ZNF385D: variants seen among roughly 807,000 people sequenced by gnomAD.
ZNF385D encodes the protein zinc finger protein 385D.
In ZNF385D, 15 loss-of-function variants were observed where a neutral mutation model predicts 35.8. That is an observed-to-expected ratio of 0.42 (90% CI 0.28 to 0.64). The LOEUF is 0.64. ZNF385D is among the 30% of genes least tolerant of loss of function. The pLI is 0.23. For synonymous variants in ZNF385D, 212 were observed against 186.8 expected, an observed-to-expected ratio of 1.13 and a Z score of -1.10; for missense variants, 474 against 494.6, an observed-to-expected ratio of 0.96 and a Z score of 0.39.
chr3:22,339,769 C>T (rs974940996), intron 2 of ZNF385D, among the ~76,000 whole-genome samples: 2 of 152,164 alleles, frequency 1.3e-5, no homozygotes, highest in Non-Finnish European at 2.9e-5. Flanking sequence ...TGAAACATCA[C>T]CAAAAATGTC....
At chr3:21,523,637 A>G (rs1200326861) in intron 3 of ZNF385D, among the ~76,000 whole-genome samples, 1 of 152,208 alleles carries the variant, frequency 6.6e-6, no homozygotes, top group Non-Finnish European at 1.5e-5. Context: ...CCCAAATGTG[A>G]AGCTTTCAGA....
At chr3:21,421,572 G>A in intron 7 of ZNF385D, 125 bp from the exon 8 acceptor site, 2 of 648,472 alleles carry the variant, frequency 3.1e-6, no homozygotes, top group Non-Finnish European at 5.2e-6. Flanking sequence ...CTTCACACTT[G>A]TGAACTGACA....
intron 2 of ZNF385D, among the ~76,000 whole-genome samples, chr3:21,588,022 T>TA (rs1202241527): frequency 6.6e-6 from 1 of 152,176 alleles, no homozygotes; most frequent in Non-Finnish European, 1.5e-5. Flanking sequence ...TATAAGCATG[T>TA]AGTCCATGGC....
At chr3:22,264,730 T>A (rs1200393301) in intron 2 of ZNF385D, among the ~76,000 whole-genome samples, 6 of 151,994 alleles carry the variant, frequency 3.9e-5, no homozygotes, top group African/African-American at 1.4e-4. Flanking sequence ...GATTAATGAA[T>A]ACTTGTTGCA....
intron 2 of ZNF385D, among the ~76,000 whole-genome samples, chr3:22,300,609 C>A (rs1359845953): frequency 6.6e-6 from 1 of 151,742 alleles, no homozygotes; most frequent in Non-Finnish European, 1.5e-5. Context: ...ACAAATAACC[C>A]AATTTATAAA....
intron 3 of ZNF385D, among the ~76,000 whole-genome samples, chr3:21,859,052 G>A (rs1251492100): frequency 6.6e-6 from 1 of 151,818 alleles, no homozygotes; most frequent in Non-Finnish European, 1.5e-5. Context: ...TAGGCGGGGA[G>A]AGAAAAGGTA....
In ZNF385D at chr3:21,413,668, A is replaced by G. The variant is rs983949749; in HGVS notation, c.*7546T>C. ...ATATAAGAGGAGAAAAATAGCATGA[A>G]TATTTTTCCTTTATTTTTTGCAGGG... On this transcript the variant is annotated 3_prime_UTR_variant, in exon 8 of 8. Transcript: ENST00000281523. The G allele has an allele frequency of 5.9e-5, 9 of 152,070 alleles. No homozygotes were observed. The highest frequency in any genetic ancestry group is 2.2e-4 in the African/African-American group (9 of 41,404). 9.4% of individuals were successfully genotyped at this position (152,070 alleles called of 1,614,324 possible). A position where few individuals can be genotyped will look rare whatever the true frequency, so the allele number is the denominator to read the frequency against.
chr3:22,208,736 A>G (rs911486282), intron 2 of ZNF385D, among the ~76,000 whole-genome samples: 5 of 151,656 alleles, frequency 3.3e-5, no homozygotes, highest in Non-Finnish European at 7.4e-5. Context: ...AATTTAAAAA[A>G]TAATTATTCA....
At chr3:22,306,325 T>C (rs1297185612) in intron 2 of ZNF385D, among the ~76,000 whole-genome samples, 3 of 151,984 alleles carry the variant, frequency 2.0e-5, no homozygotes, top group African/African-American at 7.3e-5. Flanking sequence ...TTTCTCTGTC[T>C]TGTGGTTAAA....
At chr3:22,226,563 A>AT (rs2125289532) in intron 2 of ZNF385D, among the ~76,000 whole-genome samples, 1 of 152,354 alleles carries the variant, frequency 6.6e-6, no homozygotes, top group South Asian at 2.1e-4. Context: ...TGTAATAATC[A>AT]TTTTTGTTTA....
intron 3 of ZNF385D, among the ~76,000 whole-genome samples, chr3:21,772,641 C>T (rs1051939063): frequency 5.9e-5 from 9 of 151,854 alleles, no homozygotes; most frequent in South Asian, 2.1e-4. Flanking sequence ...TTGTGGAAAA[C>T]GGTATGGTGA....
intron 3 of ZNF385D, among the ~76,000 whole-genome samples, chr3:21,514,436 G>C (rs1707431582): frequency 6.6e-6 from 1 of 152,024 alleles, no homozygotes; most frequent in Admixed American, 6.6e-5. Context: ...ATTAAGTTTA[G>C]CCTAAAGCTA....
At chr3:21,879,507 G>A (rs532058751) in intron 3 of ZNF385D, among the ~76,000 whole-genome samples, 1 of 152,038 alleles carries the variant, frequency 6.6e-6, no homozygotes, top group East Asian at 1.9e-4. Context: ...TTGTGTATTA[G>A]CTGATCTGCT....
intron 3 of ZNF385D, among the ~76,000 whole-genome samples, chr3:22,098,704 G>C (rs1250042413): frequency 6.6e-5 from 10 of 151,960 alleles, no homozygotes. Flanking sequence ...CACATGATAA[G>C]TAAGCACATG....
intron 2 of ZNF385D, among the ~76,000 whole-genome samples, chr3:22,283,969 T>C (rs2125385417): frequency 6.6e-6 from 1 of 152,256 alleles, no homozygotes; most frequent in East Asian, 1.9e-4. Flanking sequence ...TGGGATCTGG[T>C]GCCCCTTATT....
At chr3:22,080,814 A>AC (rs1700710485) in intron 3 of ZNF385D, among the ~76,000 whole-genome samples, 1 of 151,978 alleles carries the variant, frequency 6.6e-6, no homozygotes, top group Non-Finnish European at 1.5e-5. Context: ...TATAAATGGG[A>AC]CCCCAGAGAA....
chr3:21,831,601 T>C (rs1323035031), intron 3 of ZNF385D, among the ~76,000 whole-genome samples: 1 of 152,204 alleles, frequency 6.6e-6, no homozygotes. Context: ...AGTTTAAATC[T>C]GGTTTAAATC....
intron 3 of ZNF385D, among the ~76,000 whole-genome samples, chr3:22,035,983 A>G (rs1177947992): frequency 2.6e-5 from 4 of 152,126 alleles, no homozygotes. Flanking sequence ...GCAGAAATGG[A>G]AAATGAAGAG....
intron 2 of ZNF385D, among the ~76,000 whole-genome samples, chr3:22,197,195 G>A (rs753061147): frequency 9.2e-5 from 14 of 151,950 alleles, no homozygotes; most frequent in Non-Finnish European, 1.6e-4. Flanking sequence ...TCTGCTTGGT[G>A]TTTTTGAATT....
Sources: gnomAD v4.1 joint callset for allele counts (sites outside exome capture counted in the v4.1 genomes callset) on GRCh38, gnomAD v4.1.1 for gene constraint, MANE v1.5 for transcripts, NCBI Gene and HGNC (gene_info 2026-07-23, HGNC 2026-07-21) for gene names.